SLC22A14: variants seen among roughly 807,000 people sequenced by gnomAD.
SLC22A14 encodes organic cation transporter-like 4.
In SLC22A14, 50 loss-of-function variants were observed where a neutral mutation model predicts 53.9. The ratio of observed to expected loss-of-function variants is 0.93; its 90% CI spans 0.74 to 1.17. The LOEUF (loss-of-function observed/expected upper bound fraction) is 1.17, where lower values mean the gene tolerates loss of function less well. SLC22A14 is among the 50% of genes most tolerant of loss of function. The probability of loss-of-function intolerance (pLI) is 0.00; values close to 1 mark genes in which losing one functional copy is unlikely to be tolerated. For synonymous variants in SLC22A14, 312 were observed against 303.0 expected (o/e 1.03, Z -0.31); for missense variants, 671 against 734.7 (o/e 0.91, Z 1.00).
chr3:38,318,461 G>C lies in SLC22A14; in HGVS notation c.*212G>C. 1 of 574,488 alleles carries C rather than the reference G, an allele frequency of 1.7e-6. No homozygotes were observed. Among genetic ancestry groups the C allele is most frequent in the Non-Finnish European group, 3.1e-6 (1 of 318,982 alleles). 35.6% of individuals were successfully genotyped at this position (574,488 alleles called of 1,614,324 possible). On this transcript the variant is annotated 3_prime_UTR_variant, in exon 11 of 11. Coordinates refer to ENST00000448498, the MANE Select transcript of SLC22A14 (RefSeq NM_001320033.2). Reference sequence around the variant, plus strand: ...ACAAATTCCAGGCCTAGTTCAGTCTGGGGGCAGGGTCAGTCCTTCTCCCAG... The same window carrying C: ...ACAAATTCCAGGCCTAGTTCAGTCTCGGGGCAGGGTCAGTCCTTCTCCCAG...
At chr3:38,316,611 C>T in intron 10 of SLC22A14, 87 bp downstream of exon 10, 1 of 1,193,038 alleles carries the variant, frequency 8.4e-7, no homozygotes, top group Non-Finnish European at 1.2e-6. Context: ...ATTGTCCATC[C>T]CCGCCCCTCT....
At chr3:38,293,354 A>G (rs1358495321) in intron 1 of SLC22A14, among the ~76,000 whole-genome samples, 1 of 152,194 alleles carries the variant, frequency 6.6e-6, no homozygotes, top group Non-Finnish European at 1.5e-5. Context: ...GGCCATGACT[A>G]AAGTGGTGGC....
At position 38,313,372 on chromosome 3, in the gene SLC22A14, C is replaced by T; in HGVS notation, c.1066-16C>T. 1.9e-6 allele frequency: 3 copies of T among 1,601,362 alleles called. No individual in the cohort carries two copies. Among genetic ancestry groups the T allele is most frequent in the Non-Finnish European group, 2.6e-6 (3 of 1,168,850 alleles). ...GGTCTTGGCCCTGCCTCTGACTGGT[C>T]CTGCTTGTTCTGTAGCTGCAGCTGC... is the stretch of plus-strand genomic sequence containing the variant. On this transcript the variant is annotated splice_polypyrimidine_tract_variant and intron_variant, in intron 6 of 10. Transcript: ENST00000448498.
intron 7 of SLC22A14, 34 bp from the exon 8 acceptor site, chr3:38,313,693 T>C (rs12186097): frequency 0.17 from 224,895 of 1,332,746 alleles, 20,504 homozygotes; most frequent in African/African-American, 0.19. Flanking sequence ...TGTGCGCGCG[T>C]GTGCACGCGC....
intron 1 of SLC22A14, among the ~76,000 whole-genome samples, chr3:38,300,406 C>T (rs1161754376): frequency 1.3e-5 from 2 of 152,112 alleles, no homozygotes; most frequent in Admixed American, 6.6e-5. Context: ...CACCACTGCA[C>T]TCCAGTCTGG....
rs1204791458 is a variant in SLC22A14 at position 38,313,377 on chromosome 3, T to C, written c.1066-11T>C. On this transcript the variant is annotated splice_polypyrimidine_tract_variant and intron_variant, in intron 6 of 10. Transcript: ENST00000448498. ...TGGCCCTGCCTCTGACTGGTCCTGC[T>C]TGTTCTGTAGCTGCAGCTGCCCAGA... is the stretch of plus-strand genomic sequence containing the variant. 6.2e-7 allele frequency: 1 copy of C among 1,607,442 alleles called. No individual in the cohort carries two copies. The highest frequency in any genetic ancestry group is 8.5e-7 in the Non-Finnish European group (1 of 1,174,246).
At chr3:38,280,133 T>C (rs1053401307), upstream of SLC22A14, among the ~76,000 whole-genome samples, 6 of 152,176 alleles carry the variant, frequency 3.9e-5, no homozygotes, top group African/African-American at 1.4e-4. Context: ...CTATGAGGTG[T>C]CATGAAGAGA....
rs1461231024 is a variant in SLC22A14, at chr3:38,307,022, A to G, written c.517-232A>G. ...CTCAGCTACCCCCTACCCCACACAC[A>G]CATCTTGGCCTATGCCTCTGGTCAC... On this transcript the variant is annotated intron_variant, in intron 2 of 10. Transcript: ENST00000448498. The surrounding 1 kb of genome is among the most constrained non-coding windows in gnomAD (Gnocchi z 4.4). Among the ~76,000 whole-genome samples the G allele has an allele frequency of 6.6e-6, 1 of 152,022 alleles. No individual in the cohort carries two copies. Among genetic ancestry groups the G allele is most frequent in the East Asian group, 1.9e-4 (1 of 5,188 alleles).
At chr3:38,291,335 A>T (rs61181905) in intron 1 of SLC22A14, among the ~76,000 whole-genome samples, 9,836 of 152,242 alleles carry the variant, frequency 0.065, 380 homozygotes, top group East Asian at 0.16. Flanking sequence ...TTGACAGTTA[A>T]GTTCTATCTT....
At chr3:38,289,073 T>C (rs1703851551) in intron 1 of SLC22A14, among the ~76,000 whole-genome samples, 1 of 147,318 alleles carries the variant, frequency 6.8e-6, no homozygotes, top group Admixed American at 7.1e-5. Context: ...ATAGCTTCTC[T>C]GAAGGCTGAG....
At position 38,309,142 on chromosome 3, in the gene SLC22A14, G is replaced by T. The variant is rs1356579751; in HGVS notation, c.944+20G>T. 8.1e-6 allele frequency: 13 copies of T among 1,605,082 alleles called. No homozygotes were observed. The highest frequency in any genetic ancestry group is 1.1e-5 in the Non-Finnish European group (13 of 1,171,884). On this transcript the variant is annotated intron_variant, in intron 5 of 10. Transcript: ENST00000448498. The stretch of plus-strand genomic sequence containing the variant: ...TATCTGGTGAGCAAGCGAGTACCGG[G>T]CATGTACAGGGCTGGGTCTGATGGG...
Position 38,306,380 on chromosome 3 carries a change from G to T in SLC22A14, c.354G>T (p.Leu118=). ...TGTCCAAAGCTGAGCAGCTGAATCT[G>T]ACCATACCCCAAGCACCCAATGGCA... ...PHLSKAEQLN[L]TIPQAPNGSF... The change falls in exon 2 of 11, where the codon CTG becomes CTT. Residue 118 remains leucine, a synonymous_variant. Transcript: ENST00000448498. 1 of 1,614,166 alleles carries T rather than the reference G, an allele frequency of 6.2e-7. No individual in the cohort carries two copies. The highest frequency in any genetic ancestry group is 8.5e-7 in the Non-Finnish European group (1 of 1,180,040).
In SLC22A14 at chr3:38,313,412, A is replaced by C. The variant is rs1704527856; in HGVS notation, c.1090A>C (p.Thr364Pro). The C allele has an allele frequency of 6.2e-7, 1 of 1,613,574 alleles. No homozygotes were observed. The highest frequency in any genetic ancestry group is 1.7e-5 in the Admixed American group (1 of 59,998). The change falls in exon 7 of 11, where the codon ACT (threonine) becomes CCT (proline). Residue 364 changes from threonine (T) to proline (P), a missense_variant. Coordinates refer to ENST00000448498, the MANE Select transcript of SLC22A14 (RefSeq NM_001320033.2). ...GCTGCAGCTGCCCAGAAAGAAGGTG[A>C]CTCGGGCCTCTGTCCTGGACTTCTG... ...DELQLPRKKV[T>P]RASVLDFCKN...
intron 8 of SLC22A14, among the ~76,000 whole-genome samples, chr3:38,314,660 C>T (rs930289303): frequency 6.6e-6 from 1 of 152,210 alleles, no homozygotes; most frequent in Non-Finnish European, 1.5e-5. Flanking sequence ...TCCGGCCCTG[C>T]CTGGAGGGGC....
chr3:38,314,957 G>A (rs960537011), intron 8 of SLC22A14, among the ~76,000 whole-genome samples: 1 of 152,228 alleles, frequency 6.6e-6, no homozygotes, highest in African/African-American at 2.4e-5. Flanking sequence ...GAGTAAGGCC[G>A]GGGCAGGGTC....
In SLC22A14 at chr3:38,312,996, C is replaced by A; in HGVS notation, c.945-3C>A. On this transcript the variant is annotated splice_polypyrimidine_tract_variant and splice_region_variant and intron_variant, in intron 5 of 10. Transcript: ENST00000448498. ...TGAGATAAGAGAGGGGCTGGCCACG[C>A]AGGATTCTCCCGGAGTCCCCGCGGT... 8 of 1,577,238 alleles carry A rather than the reference C, an allele frequency of 5.1e-6. No individual in the cohort carries two copies. The highest frequency in any genetic ancestry group is 6.9e-6 in the Non-Finnish European group (8 of 1,161,840).
At chr3:38,317,234 T>C (rs1298356201) in intron 10 of SLC22A14, among the ~76,000 whole-genome samples, 1 of 152,184 alleles carries the variant, frequency 6.6e-6, no homozygotes, top group Non-Finnish European at 1.5e-5. Flanking sequence ...CTGGCCTTTC[T>C]CTGCCCTCCT....
chr3:38,287,511 A>G (rs548334423), intron 1 of SLC22A14, among the ~76,000 whole-genome samples: 9 of 152,312 alleles, frequency 5.9e-5, no homozygotes, highest in South Asian at 4.1e-4. Context: ...TTACTGACCT[A>G]TCATGCCACT....
chr3:38,288,927 C>A (rs1703848171), intron 1 of SLC22A14, among the ~76,000 whole-genome samples: 1 of 151,990 alleles, frequency 6.6e-6, no homozygotes, highest in Non-Finnish European at 1.5e-5. Context: ...TACCAGTAAT[C>A]CCAGAACTTT....
Sources: gnomAD v4.1 joint callset for allele counts (sites outside exome capture counted in the v4.1 genomes callset) on GRCh38, gnomAD v4.1.1 for gene constraint, Gnocchi (gnomAD v3.1) non-coding constraint, MANE v1.5 for transcripts, NCBI Gene and HGNC (gene_info 2026-07-23, HGNC 2026-07-21) for gene names.